The following COL17A1 variants were observed in gnomAD, a reference collection of about 807,000 sequenced individuals.
COL17A1 encodes collagen type XVII alpha 1 chain, also known as collagen alpha-1(XVII) chain.
COL17A1 carries 181 observed loss-of-function variants against 218.4 expected under a neutral mutation model. The observed-to-expected ratio is 0.83, with a 90% CI of 0.73 to 0.94. COL17A1 has a LOEUF of 0.94. COL17A1 is among the 40% of genes least tolerant of loss of function. The pLI is 0.00. For missense variants in COL17A1, 1,924 were observed against 1,945.9 expected (o/e 0.99, Z 0.21); for synonymous variants, 721 against 731.0 (o/e 0.99, Z 0.22).
intron 31 of COL17A1, among the ~76,000 whole-genome samples, chr10:104,047,516 C>T (rs2086424152): frequency 6.6e-6 from 1 of 152,202 alleles, no homozygotes; most frequent in South Asian, 2.1e-4. Context: ...AACAACCTAA[C>T]ACTATGGCAG....
In COL17A1 at chr10:104,060,181, A is replaced by ACT; in HGVS notation, c.1078_1079insAG (p.Leu360GlnfsTer5). On this transcript the variant is annotated frameshift_variant, in exon 14 of 56. Coordinates refer to ENST00000648076, the MANE Select transcript of COL17A1 (RefSeq NM_000494.4). LOFTEE classifies it high-confidence loss of function. ...CCCGCTGTCCTTGGTCATGATGAGC[A>ACT]GCTCCATCTCCTTCTTGGCAGGTGT... 6.2e-7 allele frequency: 1 copy of ACT among 1,614,180 alleles called. No individual in the cohort carries two copies. Among genetic ancestry groups the ACT allele is most frequent in the Non-Finnish European group, 8.5e-7 (1 of 1,180,026 alleles).
intron 44 of COL17A1, 44 bp from the exon 45 acceptor site, chr10:104,038,572 G>C: frequency 6.2e-7 from 1 of 1,603,406 alleles, no homozygotes; most frequent in Non-Finnish European, 8.5e-7. Flanking sequence ...CTCCACCCTA[G>C]GGTCAGACAA....
Position 104,037,620 on chromosome 10 carries a change from G to T in COL17A1, c.3208+16C>A. On this transcript the variant is annotated intron_variant, in intron 46 of 55. Coordinates refer to ENST00000648076, the MANE Select transcript of COL17A1 (RefSeq NM_000494.4). ...AGGAGGAAGGTGCCAGGTGCAGGGC[G>T]TGGGGAAGGGCTTACTCCGTAAGTA... is the stretch of plus-strand genomic sequence containing the variant. 3.1e-6 allele frequency: 5 copies of T among 1,613,820 alleles called. No individual in the cohort carries two copies. Among genetic ancestry groups the T allele is most frequent in the Non-Finnish European group, 4.2e-6 (5 of 1,179,964 alleles).
chr10:104,063,535 C>T lies in COL17A1; in HGVS notation c.838+212G>A. The stretch of plus-strand genomic sequence containing the variant: ...AATAAAGGCGCCACCTTAGAATACG[C>T]ACGTCAATGTGGGCTCACGTCCCCT... On this transcript the variant is annotated intron_variant, in intron 11 of 55. Transcript: ENST00000648076. The T allele has an allele frequency of 5.8e-6, 4 of 695,314 alleles. No individual in the cohort carries two copies. The Admixed American group carries it at 8.7e-5, about 15-fold the overall frequency. 43.1% of individuals were successfully genotyped at this position (695,314 alleles called of 1,614,324 possible). A position where few individuals can be genotyped will look rare whatever the true frequency, so the allele number is the denominator to read the frequency against.
intron 46 of COL17A1, 30 bp from the exon 47 acceptor site, chr10:104,037,143 C>T (rs1389403831): frequency 6.3e-7 from 1 of 1,581,726 alleles, no homozygotes; most frequent in Non-Finnish European, 8.6e-7. Context: ...AGGTTACCTG[C>T]TTAGCAGGTA....
chr10:104,047,928 G>A, intron 30 of COL17A1, 118 bp from the exon 31 acceptor site: 1 of 1,373,504 alleles, frequency 7.3e-7, no homozygotes, highest in Non-Finnish European at 1.0e-6. Flanking sequence ...AGGTGGAAAG[G>A]AGAAGGGGAA....
chr10:104,036,612 G>A lies in COL17A1; in HGVS notation c.3298C>T (p.Leu1100=). The change falls in exon 48 of 56, where the codon CTA becomes TTA. Residue 1100 remains leucine (L), a synonymous_variant. Transcript: ENST00000648076. ...VLQRDDVRQY[L]RQYLMGPRGP... ...CGAGGGCCCATCAAGTACTGACGTA[G>A]GTACTGACGCACGTCATCCCCTGGA... 1.2e-6 allele frequency: 2 copies of A among 1,613,936 alleles called. No homozygotes were observed. The highest frequency in any genetic ancestry group is 1.7e-6 in the Non-Finnish European group (2 of 1,179,898).
At chr10:104,068,742 G>A (rs1343616127) in intron 9 of COL17A1, among the ~76,000 whole-genome samples, 1 of 152,196 alleles carries the variant, frequency 6.6e-6, no homozygotes, top group African/African-American at 2.4e-5. Flanking sequence ...AGAAGCTGTG[G>A]GGAACAGGCT....
At chr10:104,081,415 T>G (rs1425197496) in intron 1 of COL17A1, among the ~76,000 whole-genome samples, 1 of 152,212 alleles carries the variant, frequency 6.6e-6, no homozygotes, top group East Asian at 1.9e-4. Flanking sequence ...AGAAAACCAG[T>G]GCAATCTTGT....
Position 104,041,114 on chromosome 10 carries a change from C to T in COL17A1, c.2652G>A (p.Glu884=), listed in dbSNP as rs983589694. ...GPPGPRGPPG[E]GLPGPPGPPG... ...GTGGGCCTGGTGGGCCTGGCAAACC[C>T]TCCCCTAGGAAAGAGAACCCCCAAG... Residue 884 remains glutamate, a synonymous_variant, in exon 39 of 56, where the codon GAG becomes GAA. Coordinates refer to ENST00000648076, the MANE Select transcript of COL17A1 (RefSeq NM_000494.4). 3.7e-6 allele frequency: 6 copies of T among 1,602,766 alleles called. No individual in the cohort carries two copies. The highest frequency in any genetic ancestry group is 5.1e-6 in the Non-Finnish European group (6 of 1,175,116).
intron 34 of COL17A1, 108 bp from the exon 35 acceptor site, chr10:104,043,689 C>T: frequency 6.6e-7 from 1 of 1,506,912 alleles, no homozygotes; most frequent in Non-Finnish European, 9.2e-7. Flanking sequence ...CTTCTCATCG[C>T]TGCTAAATTT....
At chr10:104,074,130 AT>A (rs1460910107) in intron 6 of COL17A1, 53 bp downstream of exon 6, 32 of 1,613,330 alleles carry the variant, frequency 2.0e-5, no homozygotes, top group Non-Finnish European at 2.6e-5. Flanking sequence ...TCCCCCAGGG[AT>A]TTTCCTAGTG....
rs1351858225 is a variant in COL17A1 at position 104,034,078 on chromosome 10, G to A, written c.4023C>T (p.Ile1341=). The change falls in exon 52 of 56, where the codon ATC becomes ATT. Residue 1341 remains isoleucine, a synonymous_variant. Transcript: ENST00000648076. ...CTGCCCCATAGCCTCCGCCTGGGCC[G>A]ATGTCAGTGCCATAGGGACCCCTGT... ...AGDRGPYGTD[I]GPGGGYGAAA... 3.7e-6 allele frequency: 6 copies of A among 1,614,082 alleles called. No homozygotes were observed. Among genetic ancestry groups the A allele is most frequent in the South Asian group, 3.3e-5 (3 of 91,076 alleles).
intron 3 of COL17A1, among the ~76,000 whole-genome samples, chr10:104,077,754 G>A (rs2086724611): frequency 6.6e-6 from 1 of 152,034 alleles, no homozygotes; most frequent in African/African-American, 2.4e-5. Context: ...AATATCTAGA[G>A]TGAGTATTCC....
At chr10:104,074,348 G>T (rs745955580) in intron 5 of COL17A1, 117 bp from the exon 6 acceptor site, 23 of 1,419,940 alleles carry the variant, frequency 1.6e-5, no homozygotes, top group Non-Finnish European at 2.2e-5. Context: ...GTGTTTCAGG[G>T]GGGAATGAGG....
intron 2 of COL17A1, among the ~76,000 whole-genome samples, chr10:104,079,680 C>A (rs1474782130): frequency 6.6e-6 from 1 of 152,198 alleles, no homozygotes; most frequent in Non-Finnish European, 1.5e-5. Context: ...GTAATCCCAA[C>A]ACTTTGGGAG....
At chr10:104,070,748 A>G (rs2086662653) in intron 8 of COL17A1, among the ~76,000 whole-genome samples, 179 bp from the exon 9 acceptor site, 1 of 152,190 alleles carries the variant, frequency 6.6e-6, no homozygotes, top group Non-Finnish European at 1.5e-5. Context: ...AGCACTTATC[A>G]ACTTGGTACT....
chr10:104,060,086 T>A (rs2086568265), intron 14 of COL17A1, 33 bp downstream of exon 14: 1 of 1,613,230 alleles, frequency 6.2e-7, no homozygotes, highest in South Asian at 1.1e-5. Flanking sequence ...TTGGCTTTCT[T>A]CTGAAACCCA....
At chr10:104,069,569 A>G (rs2086653254) in intron 9 of COL17A1, among the ~76,000 whole-genome samples, 1 of 152,214 alleles carries the variant, frequency 6.6e-6, no homozygotes, top group South Asian at 2.1e-4. Context: ...CCAAGCAAAG[A>G]CTTTGGACTG....
Sources: gnomAD v4.1 joint callset for allele counts (sites outside exome capture counted in the v4.1 genomes callset) on GRCh38, gnomAD v4.1.1 for gene constraint, MANE v1.5 for transcripts, NCBI Gene and HGNC (gene_info 2026-07-23, HGNC 2026-07-21) for gene names.